The following HECW1 variants were observed in gnomAD, a reference collection of about 807,000 sequenced individuals.
HECW1 encodes the protein E3 ubiquitin-protein ligase HECW1.
A neutral mutation model predicts 182.3 loss-of-function variants in HECW1; 61 were observed. The observed-to-expected ratio is 0.33, with a 90% CI of 0.27 to 0.41. HECW1 has a LOEUF of 0.41. Ranked by LOEUF, HECW1 falls within the 10% of genes least tolerant of loss-of-function variation. The probability of loss-of-function intolerance (pLI) is 1.00; values close to 1 mark genes in which losing one functional copy is unlikely to be tolerated. For missense variants in HECW1, 1,739 were observed against 2,108.9 expected (o/e 0.82, Z 3.44); for synonymous variants, 859 against 832.6 (o/e 1.03, Z -0.55).
At chr7:43,377,604 G>C (rs1158075489) in intron 6 of HECW1, among the ~76,000 whole-genome samples, 2 of 152,102 alleles carry the variant, frequency 1.3e-5, no homozygotes, top group African/African-American at 4.8e-5. Flanking sequence ...CAAAAAATTA[G>C]AATCAAATCC....
In HECW1 at chr7:43,474,604, G is replaced by A. The variant is rs891460101; in HGVS notation, c.3100-5006G>A. Reference sequence around the variant, plus strand: ...AAAGAAAAATCAAGGAGAAATGAAAGGAGATGAAAGACATACAGTCGTAGT... The same window carrying A: ...AAAGAAAAATCAAGGAGAAATGAAAAGAGATGAAAGACATACAGTCGTAGT... On this transcript the variant is annotated intron_variant, in intron 16 of 29. Transcript: ENST00000395891. 1.4e-4 allele frequency among the ~76,000 whole-genome samples: 22 copies of A among 152,036 alleles called. No homozygotes were observed. The South Asian group carries it at 4.6e-3, about 32-fold the overall frequency.
chr7:43,117,311 C>T (rs1562758449), intron 2 of HECW1, among the ~76,000 whole-genome samples: 1 of 152,160 alleles, frequency 6.6e-6, no homozygotes, highest in Non-Finnish European at 1.5e-5. Context: ...ATTCCCCTTT[C>T]AGTTTCTCTC....
intron 6 of HECW1, among the ~76,000 whole-genome samples, chr7:43,376,392 T>C (rs1584688595): frequency 6.6e-6 from 1 of 152,146 alleles, no homozygotes; most frequent in East Asian, 1.9e-4. Context: ...CTCCCTGGGA[T>C]GGGGGTAGCC....
chr7:43,158,245 A>G lies in HECW1; in HGVS notation c.-32+43854A>G, dbSNP rs117363576. ...AGGTTGACCAATATGGGTGGTTATT[A>G]TACATAAACCATAAAAATTAAGATA... is the stretch of plus-strand genomic sequence containing the variant. On this transcript the variant is annotated intron_variant, in intron 2 of 29. Coordinates refer to ENST00000395891, the MANE Select transcript of HECW1 (RefSeq NM_015052.5). 2.8e-3 allele frequency among the ~76,000 whole-genome samples: 434 copies of G among 152,322 alleles called. 2 individuals carry two copies. The highest frequency in any genetic ancestry group is 3.9e-3 in the Non-Finnish European group (268 of 68,026).
rs558987445 is a variant in HECW1, at chr7:43,553,594, G to A, written c.4511-998G>A. The stretch of plus-strand genomic sequence containing the variant: ...TGAGATAGAAGGATCCCTTGAACCC[G>A]GGAGGCAGAGGTTGCAGTGAGCCAA... On this transcript the variant is annotated intron_variant, in intron 28 of 29. Transcript: ENST00000395891. Among the ~76,000 whole-genome samples, 40 of 151,478 alleles carry A rather than the reference G, an allele frequency of 2.6e-4. 1 individual carries two copies. The highest frequency in any genetic ancestry group is 2.5e-3 in the Admixed American group (38 of 15,224).
intron 2 of HECW1, among the ~76,000 whole-genome samples, chr7:43,215,695 T>A (rs987476719): frequency 6.6e-6 from 1 of 152,194 alleles, no homozygotes; most frequent in Non-Finnish European, 1.5e-5. Context: ...TGGTAAATGG[T>A]CCATGGATAT....
intron 6 of HECW1, among the ~76,000 whole-genome samples, chr7:43,364,860 AT>A (rs781253544): frequency 9.2e-5 from 14 of 152,112 alleles, no homozygotes; most frequent in Admixed American, 4.6e-4. Flanking sequence ...TCCTCTCCAT[AT>A]TCTGGCCCTT....
intron 26 of HECW1, among the ~76,000 whole-genome samples, chr7:43,547,255 A>G (rs1306598167): frequency 3.3e-5 from 5 of 152,176 alleles, no homozygotes; most frequent in Non-Finnish European, 5.9e-5. Context: ...CTCACATAAA[A>G]GCTGTGTTTT....
At chr7:43,553,281 A>G (rs2081903169) in intron 28 of HECW1, among the ~76,000 whole-genome samples, 1 of 152,146 alleles carries the variant, frequency 6.6e-6, no homozygotes. Flanking sequence ...CCATCAATAC[A>G]GTAGAGAGTG....
intron 26 of HECW1, among the ~76,000 whole-genome samples, chr7:43,550,015 G>A (rs983751902): frequency 5.9e-5 from 9 of 152,018 alleles, no homozygotes; most frequent in Non-Finnish European, 1.2e-4. Context: ...TAGAGGTCGG[G>A]TGCAGTGGCT....
chr7:43,421,185 A>T (rs1221282637), intron 8 of HECW1, among the ~76,000 whole-genome samples: 1 of 152,242 alleles, frequency 6.6e-6, no homozygotes, highest in East Asian at 1.9e-4. Flanking sequence ...GCTGTATGTT[A>T]TGGAAAGGAT....
At chr7:43,362,091 A>G (rs1275553304) in intron 6 of HECW1, among the ~76,000 whole-genome samples, 1 of 139,154 alleles carries the variant, frequency 7.2e-6, no homozygotes, top group Non-Finnish European at 1.5e-5. Context: ...AGATCGCACC[A>G]CTGCACTCCA....
intron 5 of HECW1, among the ~76,000 whole-genome samples, chr7:43,345,851 C>CAT (rs147225359): frequency 0.02 from 3,012 of 150,802 alleles, 105 homozygotes; most frequent in African/African-American, 0.07. Flanking sequence ...ACACACACAT[C>CAT]ATATATATAT....
intron 4 of HECW1, among the ~76,000 whole-genome samples, chr7:43,319,392 T>G (rs1584464790): frequency 2.4e-5 from 1 of 42,256 alleles, no homozygotes; most frequent in Non-Finnish European, 4.0e-5. Context: ...AGACTCCGTC[T>G]CAAAAAAAAA....
intron 3 of HECW1, among the ~76,000 whole-genome samples, chr7:43,299,952 T>C (rs1241546241): frequency 6.6e-6 from 1 of 152,258 alleles, no homozygotes; most frequent in African/African-American, 2.4e-5. Context: ...CTGGTTTTGA[T>C]CACAGGGATA....
rs1193878053 is a variant in HECW1 at position 43,519,455 on chromosome 7, A to T, written c.4019+10334A>T. Among the ~76,000 whole-genome samples the T allele has an allele frequency of 3.3e-5, 5 of 152,168 alleles. No homozygotes were observed. The East Asian group carries it at 9.6e-4, about 29-fold the overall frequency. ...GAGACGGGGTTTCACTATTTTGGCC[A>T]GGCTGGTCTCAAACTCCTGACTTCA... On this transcript the variant is annotated intron_variant, in intron 24 of 29. Transcript: ENST00000395891.
At chr7:43,286,157 A>G (rs1804613124) in intron 3 of HECW1, among the ~76,000 whole-genome samples, 1 of 152,194 alleles carries the variant, frequency 6.6e-6, no homozygotes, top group Admixed American at 6.5e-5. Flanking sequence ...AGGGTGGATG[A>G]CTTGGAGGGA....
chr7:43,536,148 T>C (rs2081171597), intron 24 of HECW1, among the ~76,000 whole-genome samples: 1 of 152,208 alleles, frequency 6.6e-6, no homozygotes, highest in South Asian at 2.1e-4. Flanking sequence ...TGGTTGTTGT[T>C]GTTAAATGTG....
chr7:43,210,723 AG>A (rs1301860562), intron 2 of HECW1, among the ~76,000 whole-genome samples: 1 of 152,188 alleles, frequency 6.6e-6, no homozygotes, highest in Non-Finnish European at 1.5e-5. Context: ...TTAGCCAAGC[AG>A]GAACAATGGC....
Sources: gnomAD v4.1 joint callset for allele counts (sites outside exome capture counted in the v4.1 genomes callset) on GRCh38, gnomAD v4.1.1 for gene constraint, MANE v1.5 for transcripts, NCBI Gene and HGNC (gene_info 2026-07-23, HGNC 2026-07-21) for gene names.